Variants in AK9 observed in about 807,000 individuals in gnomAD.
The protein encoded by AK9 is adenylate kinase 9, also known as adenylate kinase domain containing 1.
In AK9, 191 loss-of-function variants were observed where a neutral mutation model predicts 239.6. The ratio of observed to expected loss-of-function variants is 0.80; its 90% CI spans 0.71 to 0.90. The LOEUF (loss-of-function observed/expected upper bound fraction) is 0.90. Among genes scored for constraint, AK9 ranks in the 40% least tolerant of loss-of-function variants. The probability of loss-of-function intolerance (pLI) is 0.00; values close to 1 mark genes in which losing one functional copy is unlikely to be tolerated. For synonymous variants in AK9, 689 were observed against 721.0 expected, an observed-to-expected ratio of 0.96 and a Z score of 0.71; for missense variants, 1,995 against 2,214.7, an observed-to-expected ratio of 0.90 and a Z score of 1.99.
intron 8 of AK9, among the ~76,000 whole-genome samples, chr6:109,656,097 G>C (rs911280281): frequency 2.6e-5 from 4 of 152,188 alleles, no homozygotes; most frequent in African/African-American, 9.7e-5. Flanking sequence ...GCTTAGCATA[G>C]AGTCTGGCTA....
intron 29 of AK9, among the ~76,000 whole-genome samples, 169 bp from the exon 30 acceptor site, chr6:109,516,811 G>A (rs1315122267): frequency 6.6e-6 from 1 of 152,120 alleles, no homozygotes; most frequent in Non-Finnish European, 1.5e-5. Flanking sequence ...TTTTGGGGGT[G>A]TTATAGAACA....
chr6:109,591,309 A>G (rs767022485), intron 17 of AK9, among the ~76,000 whole-genome samples: 3 of 151,896 alleles, frequency 2.0e-5, no homozygotes, highest in Non-Finnish European at 2.9e-5. Context: ...TTGATTTAAT[A>G]TCTGTTTTAT....
chr6:109,585,845 G>A (rs1192260419), intron 18 of AK9, 71 bp downstream of exon 18: 19 of 1,402,828 alleles, frequency 1.4e-5, no homozygotes, highest in East Asian at 5.0e-5. Flanking sequence ...AGAGTTGTCC[G>A]TTCTATATTT....
intron 17 of AK9, among the ~76,000 whole-genome samples, chr6:109,605,274 A>C (rs1032150571): frequency 2.6e-5 from 4 of 152,202 alleles, no homozygotes; most frequent in Non-Finnish European, 4.4e-5. Context: ...CATATCCTAA[A>C]AAAATAAATG....
intron 5 of AK9, among the ~76,000 whole-genome samples, chr6:109,670,628 T>C (rs566177605): frequency 3.8e-4 from 58 of 152,332 alleles, no homozygotes; most frequent in African/African-American, 1.3e-3. Flanking sequence ...CCAATACTTA[T>C]AATTTATGTC....
chr6:109,581,763 C>T (rs772849867), intron 19 of AK9, among the ~76,000 whole-genome samples: 3 of 152,202 alleles, frequency 2.0e-5, no homozygotes, highest in Non-Finnish European at 2.9e-5. Context: ...AAGGTGGCTA[C>T]ACTAAACAAC....
In AK9 at chr6:109,663,036, A is replaced by AT. The variant is rs542367907; in HGVS notation, c.332-374dup. Among the ~76,000 whole-genome samples the AT allele has an allele frequency of 4.0e-5, 6 of 151,844 alleles. No homozygotes were observed. In the South Asian group the frequency reaches 1.2e-3, roughly 31 times the overall value. ...ATTATAGGGGTTGCATGCCATATTT[A>AT]TTTTTTTCTCATATTAATATTTCAT... is the stretch of plus-strand genomic sequence containing the variant. On this transcript the variant is annotated intron_variant, in intron 5 of 40. Coordinates refer to ENST00000424296, the MANE Select transcript of AK9 (RefSeq NM_001145128.3).
At chr6:109,539,065 A>C (rs1443486866) in intron 27 of AK9, among the ~76,000 whole-genome samples, 1 of 152,238 alleles carries the variant, frequency 6.6e-6, no homozygotes, top group South Asian at 2.1e-4. Context: ...ACTTTGGTGA[A>C]TCTGACAATT....
intron 24 of AK9, among the ~76,000 whole-genome samples, chr6:109,557,315 CCTG>C (rs1785123132): frequency 6.6e-6 from 1 of 152,024 alleles, no homozygotes; most frequent in African/African-American, 2.4e-5. Flanking sequence ...TGCCCCCATG[CCTG>C]AAGATGTTAC....
rs1796278922 is a variant in AK9, at chr6:109,632,926, T to C, written c.1251A>G (p.Gly417=). 1.9e-6 allele frequency: 3 copies of C among 1,612,946 alleles called. No individual in the cohort carries two copies. Among genetic ancestry groups the C allele is most frequent in the Non-Finnish European group, 1.7e-6 (2 of 1,179,544 alleles). ...LCNMLAENYK[G]KVVDYAQLVQ... ...AGACAGATAGTTAGTTAGTCACCTT[T>C]CCTTTGTAATTTTCTGCAAGCATAT... The change falls in exon 12 of 41, where the codon GGA becomes GGG. Residue 417 remains glycine, a synonymous_variant. Coordinates refer to ENST00000424296, the MANE Select transcript of AK9 (RefSeq NM_001145128.3).
rs567798072 is a variant in AK9, at chr6:109,593,818, G to A, written c.1843-7746C>T. ...GGCCTTCAACAAAATTCAACACCCCGTCATGCTAAAAACTCTCAATAAACT... is the reference window on the plus strand; with the variant it reads ...GGCCTTCAACAAAATTCAACACCCCATCATGCTAAAAACTCTCAATAAACT... On this transcript the variant is annotated intron_variant, in intron 17 of 40. Transcript: ENST00000424296. Among the ~76,000 whole-genome samples the A allele has an allele frequency of 7.2e-5, 11 of 151,980 alleles. No individual in the cohort carries two copies. In the South Asian group the frequency reaches 1.3e-3, roughly 17 times the overall value.
chr6:109,542,019 A>C, intron 27 of AK9, 28 bp downstream of exon 27: 1 of 1,492,176 alleles, frequency 6.7e-7, no homozygotes, highest in Non-Finnish European at 9.0e-7. Context: ...AAGCAAATAA[A>C]TGTACAATTC....
chr6:109,501,200 C>A (rs1396023768), intron 35 of AK9, among the ~76,000 whole-genome samples: 1 of 152,136 alleles, frequency 6.6e-6, no homozygotes, highest in Non-Finnish European at 1.5e-5. Flanking sequence ...TGATTTATAA[C>A]TAAACTTGAT....
intron 1 of AK9, among the ~76,000 whole-genome samples, chr6:109,678,586 G>A (rs553442418): frequency 1.3e-5 from 2 of 152,278 alleles, no homozygotes; most frequent in East Asian, 3.9e-4. Flanking sequence ...TAAATCTACA[G>A]TTATCTCAAA....
chr6:109,588,000 A>G (rs1410062342), intron 17 of AK9, among the ~76,000 whole-genome samples: 1 of 151,504 alleles, frequency 6.6e-6, no homozygotes, highest in Non-Finnish European at 1.5e-5. Flanking sequence ...GTAAGATGCT[A>G]TTTCATTGTG....
chr6:109,495,296 G>T, intron 39 of AK9, 42 bp downstream of exon 39: 1 of 1,421,928 alleles, frequency 7.0e-7, no homozygotes, highest in Non-Finnish European at 9.6e-7. Flanking sequence ...AGAAGTCATT[G>T]TATTCTTCTA....
chr6:109,671,860 G>A, intron 5 of AK9, 59 bp downstream of exon 5: 2 of 1,504,860 alleles, frequency 1.3e-6, no homozygotes, highest in Middle Eastern at 3.5e-4. Flanking sequence ...TTTTGCCTCA[G>A]ATAAAGCATG....
At chr6:109,503,429 C>T (rs1777793153) in intron 35 of AK9, among the ~76,000 whole-genome samples, 1 of 152,044 alleles carries the variant, frequency 6.6e-6, no homozygotes, top group Admixed American at 6.6e-5. Context: ...TGTCTAGGTA[C>T]CCTCTTCTGG....
chr6:109,682,832 G>C (rs1008060546), intron 1 of AK9, among the ~76,000 whole-genome samples: 1 of 152,106 alleles, frequency 6.6e-6, no homozygotes, highest in Non-Finnish European at 1.5e-5. Flanking sequence ...AAAAGGAGCT[G>C]GTACCATTCC....
Sources: gnomAD v4.1 joint callset for allele counts (sites outside exome capture counted in the v4.1 genomes callset) on GRCh38, gnomAD v4.1.1 for gene constraint, MANE v1.5 for transcripts, NCBI Gene and HGNC (gene_info 2026-07-23, HGNC 2026-07-21) for gene names.